The following BMPR2 variants were observed in gnomAD, a reference collection of about 807,000 sequenced individuals.
BMPR2 encodes bone morphogenetic protein receptor type-2.
Under a neutral mutation model 100.8 loss-of-function variants are expected in BMPR2, and 29 were observed. The observed-to-expected ratio is 0.29, with a 90% CI of 0.21 to 0.39. The LOEUF (loss-of-function observed/expected upper bound fraction) is 0.39, where lower values mean the gene tolerates loss of function less well. Ranked by LOEUF, BMPR2 falls within the 10% of genes least tolerant of loss-of-function variation. The pLI, the probability that BMPR2 is intolerant of heterozygous loss-of-function variation, is 1.00. For missense variants in BMPR2, 1,011 were observed against 1,274.5 expected (o/e 0.79, Z 3.15); for synonymous variants, 382 against 442.3 (o/e 0.86, Z 1.71).
intron 10 of BMPR2, among the ~76,000 whole-genome samples, chr2:202,545,875 C>G (rs1688366762): frequency 6.6e-6 from 1 of 152,174 alleles, no homozygotes; most frequent in Admixed American, 6.5e-5. Context: ...AGGCTGAATA[C>G]TTTACTAGGA....
chr2:202,488,867 A>C (rs569625220), intron 3 of BMPR2, among the ~76,000 whole-genome samples: 1 of 152,300 alleles, frequency 6.6e-6, no homozygotes, highest in East Asian at 1.9e-4. Context: ...CTGAAACTCT[A>C]TACCCATTAA....
intron 1 of BMPR2, among the ~76,000 whole-genome samples, chr2:202,451,961 T>G (rs1336728676): frequency 6.6e-6 from 1 of 151,950 alleles, no homozygotes; most frequent in Non-Finnish European, 1.5e-5. Context: ...TCCATGTTGG[T>G]CAGGCTAGTC....
intron 3 of BMPR2, 84 bp from the exon 4 acceptor site, chr2:202,513,635 A>G (rs1687661116): frequency 2.1e-6 from 2 of 965,398 alleles, no homozygotes; most frequent in South Asian, 1.3e-5. Context: ...ACATGGGTAC[A>G]GCCTTTCTAA....
chr2:202,515,571 C>CAAAAA, intron 5 of BMPR2, among the ~76,000 whole-genome samples: 1 of 75,394 alleles, frequency 1.3e-5, no homozygotes, highest in South Asian at 3.8e-4. Context: ...AACTCTGCCA[C>CAAAAA]AAAAAAAAAA....
chr2:202,386,460 T>C (rs1366161242), intron 1 of BMPR2, among the ~76,000 whole-genome samples: 1 of 152,172 alleles, frequency 6.6e-6, no homozygotes, highest in African/African-American at 2.4e-5. Context: ...CTTTCTTTTT[T>C]TCACATTCTT....
intron 1 of BMPR2, among the ~76,000 whole-genome samples, chr2:202,403,165 C>T (rs1434207297): frequency 2.0e-5 from 3 of 148,724 alleles, no homozygotes; most frequent in Admixed American, 1.4e-4. Context: ...GAGATGAACC[C>T]TCTCCCTCCC....
chr2:202,399,422 G>A lies in BMPR2; in HGVS notation c.76+21872G>A, dbSNP rs961079886. 2.6e-5 allele frequency among the ~76,000 whole-genome samples: 4 copies of A among 152,070 alleles called. No individual in the cohort carries two copies. In the East Asian group the frequency reaches 7.7e-4, roughly 29 times the overall value. ...ATCGGAAAGGAGCTTGTTGTGGCTC[G>A]AATGTTGTGAACTAGGAAGAGAGAT... On this transcript the variant is annotated intron_variant, in intron 1 of 12. Transcript: ENST00000374580.
chr2:202,498,196 C>T (rs1693084006), intron 3 of BMPR2, among the ~76,000 whole-genome samples: 1 of 152,112 alleles, frequency 6.6e-6, no homozygotes, highest in African/African-American at 2.4e-5. Flanking sequence ...TTTGAGGATG[C>T]GTTGGTAAGG....
intron 1 of BMPR2, among the ~76,000 whole-genome samples, chr2:202,461,280 G>T (rs764161010): frequency 2.0e-5 from 3 of 152,182 alleles, no homozygotes; most frequent in Non-Finnish European, 4.4e-5. Flanking sequence ...CTGAGGTCAG[G>T]AGTTTGAGAC....
chr2:202,390,478 C>T lies in BMPR2; in HGVS notation c.76+12928C>T, dbSNP rs555620447. 1.1e-3 allele frequency among the ~76,000 whole-genome samples: 162 copies of T among 152,056 alleles called. 1 individual carries two copies. Among genetic ancestry groups the T allele is most frequent in the Middle Eastern group, 3.4e-3 (1 of 294 alleles). Reference sequence around the variant, plus strand: ...CCCCCAGTAGCTGGAATTACAGGCACGTGCCACCATGCCTGGCTAATTTTT... The same window carrying T: ...CCCCCAGTAGCTGGAATTACAGGCATGTGCCACCATGCCTGGCTAATTTTT... On this transcript the variant is annotated intron_variant, in intron 1 of 12. Transcript: ENST00000374580.
intron 4 of BMPR2, among the ~76,000 whole-genome samples, chr2:202,514,056 T>A (rs1687670788): frequency 6.6e-6 from 1 of 152,056 alleles, no homozygotes; most frequent in Non-Finnish European, 1.5e-5. Flanking sequence ...ATATCATATA[T>A]CTGTAAATAT....
Position 202,519,015 on chromosome 2 carries a change from G to A in BMPR2, c.815G>A (p.Arg272His), listed in dbSNP as rs748889215. Residue 272 changes from arginine (R) to histidine (H), a missense_variant, in exon 6 of 13, where the codon CGC becomes CAC. By Grantham distance (29) the Arg-to-His change is conservative (BLOSUM62 0). Around this residue, in one of 6 missense-constraint regions of BMPR2, gnomAD observed 355 missense variants for 455.3 expected, o/e 0.78. Transcript: ENST00000374580. ...VGDERVTADG[R>H]MEYLLVMEYY... is the part of the protein sequence containing the mutation. ...GATGAGAGAGTCACTGCAGATGGAC[G>A]CATGGAATATTTGCTTGTGATGGAG... 6 of 1,613,954 alleles carry A rather than the reference G, an allele frequency of 3.7e-6. No homozygotes were observed. The highest frequency in any genetic ancestry group is 2.2e-5 in the South Asian group (2 of 91,090).
chr2:202,509,127 C>T (rs910473699), intron 3 of BMPR2, among the ~76,000 whole-genome samples: 2 of 151,964 alleles, frequency 1.3e-5, no homozygotes, highest in Non-Finnish European at 2.9e-5. Flanking sequence ...TCTAAAGGAG[C>T]TTATCAAGAA....
At chr2:202,522,331 C>T (rs985294096) in intron 7 of BMPR2, among the ~76,000 whole-genome samples, 19 of 151,790 alleles carry the variant, frequency 1.3e-4, no homozygotes, top group Admixed American at 1.1e-3. Context: ...CATGGTGAAA[C>T]CCCGTCTCTA....
intron 2 of BMPR2, among the ~76,000 whole-genome samples, chr2:202,465,403 G>A (rs772720238): frequency 6.6e-6 from 1 of 151,688 alleles, no homozygotes; most frequent in Non-Finnish European, 1.5e-5. Context: ...AAAAAAAAGT[G>A]TGTGTATATC....
intron 9 of BMPR2, among the ~76,000 whole-genome samples, chr2:202,535,803 C>T (rs1688143902): frequency 6.6e-6 from 1 of 152,356 alleles, no homozygotes; most frequent in African/African-American, 2.4e-5. Context: ...CCATTGAGCA[C>T]TGAGTGAACG....
At position 202,458,882 on chromosome 2, in the gene BMPR2, A is replaced by T. The variant is rs566792553; in HGVS notation, c.77-5927A>T. On this transcript the variant is annotated intron_variant, in intron 1 of 12. Transcript: ENST00000374580. The stretch of plus-strand genomic sequence containing the variant: ...GAGTTAGTTTGAAAAGCTGTTCTTC[A>T]TAATTGTGTACAGTTTCTAGAGTTT... 6.6e-4 allele frequency among the ~76,000 whole-genome samples: 101 copies of T among 152,290 alleles called. 1 individual carries two copies. Among genetic ancestry groups the T allele is most frequent in the African/African-American group, 2.3e-3 (95 of 41,564 alleles).
At chr2:202,387,976 T>A (rs769386470) in intron 1 of BMPR2, among the ~76,000 whole-genome samples, 4 of 152,232 alleles carry the variant, frequency 2.6e-5, no homozygotes, top group Non-Finnish European at 5.9e-5. Flanking sequence ...TTTTCTGAGA[T>A]ACTTAATCGT....
In BMPR2 at chr2:202,503,866, T is replaced by C. The variant is rs543864519; in HGVS notation, c.419-9853T>C. Among the ~76,000 whole-genome samples, 77 of 152,308 alleles carry C rather than the reference T, an allele frequency of 5.1e-4. No individual in the cohort carries two copies. Among genetic ancestry groups the C allele is most frequent in the African/African-American group, 1.8e-3 (74 of 41,576 alleles). On this transcript the variant is annotated intron_variant, in intron 3 of 12. Coordinates refer to ENST00000374580, the MANE Select transcript of BMPR2 (RefSeq NM_001204.7). The surrounding 1 kb of genome is among the most constrained non-coding windows in gnomAD (Gnocchi z 4.0). ...GGTGGGGACATGGAGAACCTTTATG[T>C]CTAGCTCAGGGATTGTAAATACACC...
Sources: allele counts gnomAD v4.1 joint callset (sites outside exome capture counted in the v4.1 genomes callset), GRCh38; gene constraint gnomAD v4.1.1; regional missense constraint gnomAD v4.1.1; non-coding constraint Gnocchi (gnomAD v3.1); transcripts MANE v1.5; gene names NCBI Gene and HGNC (gene_info 2026-07-23, HGNC 2026-07-21).